GGH: variants seen among roughly 807,000 people sequenced by gnomAD.
The protein encoded by GGH is gamma-Glu-X carboxypeptidase.
Under a neutral mutation model 39.2 loss-of-function variants are expected in GGH, and 18 were observed. The ratio of observed to expected loss-of-function variants is 0.46; its 90% CI spans 0.32 to 0.68. The LOEUF (loss-of-function observed/expected upper bound fraction) is 0.68, where lower values mean the gene tolerates loss of function less well. Among genes scored for constraint, GGH ranks in the 30% least tolerant of loss-of-function variants. The pLI, the probability that GGH is intolerant of heterozygous loss-of-function variation, is 0.04. For synonymous variants in GGH, 147 were observed against 138.8 expected, an observed-to-expected ratio of 1.06 and a Z score of -0.42; for missense variants, 367 against 384.1, an observed-to-expected ratio of 0.96 and a Z score of 0.37.
In GGH at chr8:63,023,968, CTTCT is replaced by C. The variant is rs763033256; in HGVS notation, c.632_635del (p.Lys211SerfsTer6). The C allele has an allele frequency of 1.9e-6, 3 of 1,591,324 alleles. No individual in the cohort carries two copies. The highest frequency in any genetic ancestry group is 1.4e-5 in the African/African-American group (1 of 74,044). On this transcript the variant is annotated frameshift_variant, in exon 7 of 9. Transcript: ENST00000260118. LOFTEE classifies it high-confidence loss of function. The stretch of plus-strand genomic sequence containing the variant: ...TATTTGTAGTTAAGACATTGAAAAA[CTTCT>C]TTAACTTTTCATTCATTGTAAAATT...
At chr8:63,026,803 T>A (rs1423943968) in intron 4 of GGH, among the ~76,000 whole-genome samples, 1 of 151,694 alleles carries the variant, frequency 6.6e-6, no homozygotes, top group East Asian at 1.9e-4. Context: ...AAAGTTCCAA[T>A]AGGATTGAAT....
chr8:63,027,553 AG>A (rs1373103218), intron 3 of GGH, among the ~76,000 whole-genome samples: 7 of 152,158 alleles, frequency 4.6e-5, no homozygotes, highest in African/African-American at 1.7e-4. Context: ...TAAGTAGGGG[AG>A]GGGCAAGAGT....
intron 7 of GGH, among the ~76,000 whole-genome samples, chr8:63,022,558 CT>C (rs143721342): frequency 4.0e-5 from 6 of 148,480 alleles, no homozygotes; most frequent in African/African-American, 1.2e-4. Flanking sequence ...ATAATTTCTT[CT>C]TTTTTTTTTG....
intron 2 of GGH, among the ~76,000 whole-genome samples, chr8:63,032,481 G>T (rs912810960): frequency 1.3e-5 from 2 of 152,142 alleles, no homozygotes; most frequent in African/African-American, 4.8e-5. Flanking sequence ...CAACCTGAGA[G>T]CACCAAGCGC....
At chr8:63,015,696 T>C (rs1269638177) in intron 8 of GGH, among the ~76,000 whole-genome samples, 1 of 150,814 alleles carries the variant, frequency 6.6e-6, no homozygotes, top group Non-Finnish European at 1.5e-5. Flanking sequence ...AGGCAAATGC[T>C]TGACAAAATT....
chr8:63,032,460 G>C (rs1487371190), intron 2 of GGH, among the ~76,000 whole-genome samples: 1 of 152,094 alleles, frequency 6.6e-6, no homozygotes, highest in African/African-American at 2.4e-5. Context: ...TCCCACATTG[G>C]GCATTTATGA....
chr8:63,017,143 A>T (rs1216340637), intron 8 of GGH, among the ~76,000 whole-genome samples: 2 of 152,134 alleles, frequency 1.3e-5, no homozygotes, highest in Non-Finnish European at 2.9e-5. Context: ...ATAAGCTATG[A>T]TCACATCACT....
At position 63,033,628 on chromosome 8, in the gene GGH, A is replaced by G. The variant is rs190900670; in HGVS notation, c.224+2028T>C. Among the ~76,000 whole-genome samples, 51 of 151,902 alleles carry G rather than the reference A, an allele frequency of 3.4e-4. 1 individual carries two copies. The highest frequency in any genetic ancestry group is 1.5e-4 in the Non-Finnish European group (10 of 67,964). ...GATTTTACTTCATTTATTTTTTATA[A>G]TTTTAACTTTTATTTTAGATTCAGA... On this transcript the variant is annotated intron_variant, in intron 2 of 8. Coordinates refer to ENST00000260118, the MANE Select transcript of GGH (RefSeq NM_003878.3).
At chr8:63,036,694 T>C (rs1337877469) in intron 1 of GGH, among the ~76,000 whole-genome samples, 1 of 152,136 alleles carries the variant, frequency 6.6e-6, no homozygotes. Context: ...ACCACATTCA[T>C]ATATCTGGGA....
Position 63,015,303 on chromosome 8 carries a change from A to C in GGH, c.*29T>G, listed in dbSNP as rs1484478522. On this transcript the variant is annotated 3_prime_UTR_variant, in exon 9 of 9. Transcript: ENST00000260118. ...AACAGTTTAATCATGGAATTATTCAAATTTGCTCTGTTAACAAATTGAAGA... is the reference window on the plus strand; with the variant it reads ...AACAGTTTAATCATGGAATTATTCACATTTGCTCTGTTAACAAATTGAAGA... The C allele has an allele frequency of 8.5e-7, 1 of 1,181,284 alleles. No homozygotes were observed. The highest frequency in any genetic ancestry group is 1.2e-6 in the Non-Finnish European group (1 of 819,520). The allele number at this position is 1,181,284 out of a possible 1,614,324, so 73.2% of individuals were successfully genotyped here.
chr8:63,026,301 G>C lies in GGH; in HGVS notation c.361-5C>G, dbSNP rs1179207360. On this transcript the variant is annotated splice_polypyrimidine_tract_variant and splice_region_variant and intron_variant, in intron 4 of 8. Transcript: ENST00000260118. ...ATAGTCTCCATCATCAAAACTCTTT[G>C]CAAGTGGAAAAAGAGAAAACTAAGT... The C allele has an allele frequency of 1.3e-6, 2 of 1,588,582 alleles. No homozygotes were observed. Among genetic ancestry groups the C allele is most frequent in the Non-Finnish European group, 1.7e-6 (2 of 1,169,974 alleles).
At chr8:63,034,363 C>T (rs1344432614) in intron 2 of GGH, among the ~76,000 whole-genome samples, 1 of 152,020 alleles carries the variant, frequency 6.6e-6, no homozygotes, top group Non-Finnish European at 1.5e-5. Context: ...TTTTGTGGTA[C>T]AATTCTCTAA....
chr8:63,038,209 TA>T (rs1804947910), intron 1 of GGH, among the ~76,000 whole-genome samples: 1 of 152,254 alleles, frequency 6.6e-6, no homozygotes, highest in Non-Finnish European at 1.5e-5. Context: ...AAATCCAAGT[TA>T]TACCTTAATT....
chr8:63,027,254 G>A lies in GGH; in HGVS notation c.287C>T (p.Pro96Leu). 2.5e-6 allele frequency: 4 copies of A among 1,590,028 alleles called. No individual in the cohort carries two copies. The highest frequency in any genetic ancestry group is 3.5e-6 in the Non-Finnish European group (4 of 1,158,464). The change falls in exon 4 of 9, where the codon CCT becomes CTT. Residue 96 changes from proline (P) to leucine (L), a missense_variant. Pro to Leu is a moderately conservative substitution (Grantham distance 98, BLOSUM62 -3). Transcript: ENST00000260118. The stretch of plus-strand genomic sequence containing the variant: ...GCGTCTGAGGTCAACACTTCCTCCA[G>A]GGAAAAGGATTCTGAAACAACGTTA... Reference protein sequence around the residue: ...LFKSINGILFPGGSVDLRRSD... With the variant: ...LFKSINGILFLGGSVDLRRSD...
chr8:63,038,300 T>C (rs1804949349), intron 1 of GGH, among the ~76,000 whole-genome samples: 1 of 152,204 alleles, frequency 6.6e-6, no homozygotes, highest in Non-Finnish European at 1.5e-5. Context: ...ATGTACAGAA[T>C]TTGTAGATGT....
chr8:63,035,879 T>G, intron 1 of GGH, 109 bp from the exon 2 acceptor site: 1 of 1,019,292 alleles, frequency 9.8e-7, no homozygotes, highest in Non-Finnish European at 1.4e-6. Flanking sequence ...ATCCACAGAA[T>G]TAAATAGGAA....
intron 7 of GGH, among the ~76,000 whole-genome samples, chr8:63,021,557 T>C (rs1804585288): frequency 6.6e-6 from 1 of 152,144 alleles, no homozygotes; most frequent in South Asian, 2.1e-4. Context: ...TTTACTTTGG[T>C]TTCCATTTGC....
intron 7 of GGH, 74 bp downstream of exon 7, chr8:63,023,833 T>C: frequency 9.4e-7 from 1 of 1,067,410 alleles, no homozygotes; most frequent in Non-Finnish European, 1.3e-6. Flanking sequence ...ATGATTTTAT[T>C]GATGAGACAT....
chr8:63,026,657 T>C (rs939992378), intron 4 of GGH, among the ~76,000 whole-genome samples: 1 of 152,180 alleles, frequency 6.6e-6, no homozygotes, highest in Non-Finnish European at 1.5e-5. Context: ...AATTTAAAAA[T>C]CACTGTTAAT....
Sources: allele counts gnomAD v4.1 joint callset (sites outside exome capture counted in the v4.1 genomes callset), GRCh38; gene constraint gnomAD v4.1.1; transcripts MANE v1.5; gene names NCBI Gene and HGNC (gene_info 2026-07-23, HGNC 2026-07-21).